Variants in GRB10 observed in about 807,000 individuals in gnomAD.
GRB10 encodes the protein growth factor receptor bound protein 10.
In GRB10, 20 loss-of-function variants were observed where a neutral mutation model predicts 80.9. The ratio of observed to expected loss-of-function variants is 0.25; its 90% confidence interval spans 0.17 to 0.36. The LOEUF is 0.36. Ranked by LOEUF, GRB10 falls within the 10% of genes least tolerant of loss-of-function variation. GRB10 has a pLI of 1.00. For missense variants in GRB10, 548 were observed against 747.7 expected (o/e 0.73, Z 3.12); for synonymous variants, 291 against 291.5 (o/e 1.00, Z 0.02).
At chr7:50,715,496 G>GA (rs1442425850) in intron 4 of GRB10, among the ~76,000 whole-genome samples, 3 of 152,170 alleles carry the variant, frequency 2.0e-5, no homozygotes, top group Non-Finnish European at 4.4e-5. Flanking sequence ...TGGGCCATAA[G>GA]AAACAGTTCA....
intron 3 of GRB10, among the ~76,000 whole-genome samples, chr7:50,742,794 C>T (rs370329747): frequency 2.0e-5 from 3 of 152,072 alleles, no homozygotes; most frequent in South Asian, 4.1e-4. Flanking sequence ...AGCACCACCA[C>T]TCTTTTCTTT....
chr7:50,704,703 T>G (rs1262341575), intron 4 of GRB10, among the ~76,000 whole-genome samples: 1 of 152,164 alleles, frequency 6.6e-6, no homozygotes, highest in Non-Finnish European at 1.5e-5. Context: ...TTCAGCAAAT[T>G]CCCTCCTATT....
At chr7:50,676,334 CCG>C (rs1491292154) in intron 5 of GRB10, among the ~76,000 whole-genome samples, 4 of 46,680 alleles carry the variant, frequency 8.6e-5, no homozygotes, top group East Asian at 8.5e-4. Context: ...GTCCACCCCA[CCG>C]GGGGGGGGGG....
intron 14 of GRB10, 65 bp downstream of exon 14, chr7:50,606,272 C>A (rs1185655085): frequency 4.7e-6 from 6 of 1,277,096 alleles, no homozygotes; most frequent in East Asian, 2.3e-5. Flanking sequence ...AATGAGGCGT[C>A]CTTAACACAT....
At chr7:50,605,234 G>T in intron 15 of GRB10, 56 bp downstream of exon 15, 1 of 1,337,448 alleles carries the variant, frequency 7.5e-7, no homozygotes, top group Non-Finnish European at 1.1e-6. Context: ...AAGACCACGT[G>T]GTGGGGCTAC....
At chr7:50,683,905 A>AAGGACCAGGACAAGGCTAGTCATTTCC (rs2153651647) in intron 5 of GRB10, among the ~76,000 whole-genome samples, 1 of 152,282 alleles carries the variant, frequency 6.6e-6, no homozygotes, top group South Asian at 2.1e-4. Context: ...TGGCTTGTTA[A>AAGGACCAGGACAAGGCTAGTCATTTCC]AGGACCAGGA....
At chr7:50,748,018 T>C (rs968681978) in intron 3 of GRB10, among the ~76,000 whole-genome samples, 12 of 152,010 alleles carry the variant, frequency 7.9e-5, no homozygotes, top group Non-Finnish European at 1.8e-4. Context: ...AGGTGGCAAA[T>C]TCTAGAAGGC....
chr7:50,697,356 A>C (rs2063567941), intron 5 of GRB10, among the ~76,000 whole-genome samples: 1 of 152,218 alleles, frequency 6.6e-6, no homozygotes, highest in African/African-American at 2.4e-5. Context: ...AATTCCAGCT[A>C]TTGCAAAACC....
chr7:50,644,067 G>A (rs2056757836), intron 7 of GRB10, among the ~76,000 whole-genome samples: 1 of 152,126 alleles, frequency 6.6e-6, no homozygotes, highest in Non-Finnish European at 1.5e-5. Context: ...AAAGCATGGG[G>A]GCCCTTGTTT....
At chr7:50,784,960 C>T (rs1206763531), upstream of GRB10, among the ~76,000 whole-genome samples, 3 of 152,228 alleles carry the variant, frequency 2.0e-5, no homozygotes, top group Non-Finnish European at 4.4e-5. Context: ...CTCCCCAGCT[C>T]CATCAGCTAG....
chr7:50,690,603 T>C (rs747338492), intron 5 of GRB10, among the ~76,000 whole-genome samples: 18 of 152,122 alleles, frequency 1.2e-4, no homozygotes, highest in African/African-American at 4.1e-4. Flanking sequence ...CACCACTGCA[T>C]CCCCTGGGCC....
chr7:50,598,246 A>G (rs1249245767), intron 17 of GRB10, among the ~76,000 whole-genome samples: 1 of 152,250 alleles, frequency 6.6e-6, no homozygotes, highest in East Asian at 1.9e-4. Flanking sequence ...ACGCAATACA[A>G]GGTAGCTTGA....
At chr7:50,672,300 C>T (rs1476928723) in intron 6 of GRB10, among the ~76,000 whole-genome samples, 2 of 152,208 alleles carry the variant, frequency 1.3e-5, no homozygotes. Context: ...CCAGTTACCG[C>T]CCCGCTGTGC....
intron 7 of GRB10, among the ~76,000 whole-genome samples, chr7:50,653,847 A>G (rs1362446745): frequency 6.6e-6 from 1 of 152,236 alleles, no homozygotes; most frequent in Non-Finnish European, 1.5e-5. Flanking sequence ...CCTCTGAAGT[A>G]CAGGCTGGAA....
At chr7:50,764,935 T>A (rs2076175571) in intron 2 of GRB10, among the ~76,000 whole-genome samples, 1 of 152,148 alleles carries the variant, frequency 6.6e-6, no homozygotes, top group Non-Finnish European at 1.5e-5. Context: ...GACAAGAGAT[T>A]AATAACCAGA....
At position 50,616,182 on chromosome 7, in the gene GRB10, G is replaced by A. The variant is rs778637273; in HGVS notation, c.984+28C>T. 5 of 1,613,980 alleles carry A rather than the reference G, an allele frequency of 3.1e-6. No homozygotes were observed. In the South Asian group the frequency reaches 3.3e-5, roughly 11 times the overall value. On this transcript the variant is annotated intron_variant, in intron 11 of 18. Transcript: ENST00000401949. ...GGGGAGTGACTGTGGCAGAATTAGG[G>A]CTGGTGGTGGTAGCTTTTAAAGCTC...
chr7:50,719,874 T>A (rs1193674584), intron 4 of GRB10, among the ~76,000 whole-genome samples: 1 of 151,786 alleles, frequency 6.6e-6, no homozygotes, highest in Non-Finnish European at 1.5e-5. Context: ...TTTTCTTAAG[T>A]CATACTATCA....
At chr7:50,783,495 A>G (rs2078529055), upstream of GRB10, among the ~76,000 whole-genome samples, 1 of 151,080 alleles carries the variant, frequency 6.6e-6, no homozygotes, top group Admixed American at 6.6e-5. Context: ...CCACACACAT[A>G]CATACACACC....
chr7:50,615,668 T>C (rs1039748551), intron 11 of GRB10, among the ~76,000 whole-genome samples: 1 of 152,256 alleles, frequency 6.6e-6, no homozygotes, highest in South Asian at 2.1e-4. Context: ...CCACAGGGTA[T>C]ATGTGGACAG....
Sources: allele counts gnomAD v4.1 joint callset (sites outside exome capture counted in the v4.1 genomes callset), GRCh38; gene constraint gnomAD v4.1.1; transcripts MANE v1.5; gene names NCBI Gene and HGNC (gene_info 2026-07-23, HGNC 2026-07-21).